Variants in PFKFB3 observed in about 807,000 individuals in gnomAD.
PFKFB3 encodes the protein 6-phosphofructo-2-kinase/fructose-2,6-biphosphatase 3.
Under a neutral mutation model 68.0 loss-of-function variants are expected in PFKFB3, and 33 were observed. The observed-to-expected ratio is 0.49, with a 90% confidence interval of 0.37 to 0.65. The LOEUF (loss-of-function observed/expected upper bound fraction) is 0.65, where lower values mean the gene tolerates loss of function less well. Among genes scored for constraint, PFKFB3 ranks in the 30% least tolerant of loss-of-function variants. The pLI is 0.00. For synonymous variants in PFKFB3, 315 were observed against 288.2 expected (o/e 1.09, Z -0.94); for missense variants, 586 against 712.2 (o/e 0.82, Z 2.02).
At chr10:6,262,880 G>A in the PFKFB3 span, among the ~76,000 whole-genome samples, 43 of 152,308 alleles carry the variant, frequency 2.8e-4, no homozygotes, top group African/African-American at 9.6e-4. Context: ...GCTGTCCAGC[G>A]GTGCTAATAG....
intron 1 of PFKFB3, among the ~76,000 whole-genome samples, chr10:6,155,222 A>ATTT (rs1234451134): frequency 2.8e-5 from 1 of 35,120 alleles, no homozygotes; most frequent in Non-Finnish European, 1.8e-4. Flanking sequence ...TTTTTTTTTG[A>ATTT]GACGGAGTCC....
the PFKFB3 span, among the ~76,000 whole-genome samples, chr10:6,295,841 A>T: frequency 4.6e-5 from 7 of 152,170 alleles, no homozygotes; most frequent in Non-Finnish European, 1.0e-4. Context: ...TCTGATCTTC[A>T]CAATGGAGAC....
chr10:6,195,744 T>G (rs1421058070), intron 1 of PFKFB3, among the ~76,000 whole-genome samples: 1 of 152,192 alleles, frequency 6.6e-6, no homozygotes, highest in Non-Finnish European at 1.5e-5. Context: ...GGGGCCATTG[T>G]GTGTGGCGAG....
chr10:6,185,062 C>A (rs149107754), intron 1 of PFKFB3, among the ~76,000 whole-genome samples: 1 of 152,314 alleles, frequency 6.6e-6, no homozygotes, highest in African/African-American at 2.4e-5. Context: ...GACACAAAAA[C>A]CCTGATTTAA....
chr10:6,232,877 C>CT lies in PFKFB3; in HGVS notation c.1516-14dup. The CT allele has an allele frequency of 6.2e-7, 1 of 1,609,122 alleles. No individual in the cohort carries two copies. The highest frequency in any genetic ancestry group is 8.5e-7 in the Non-Finnish European group (1 of 1,176,326). ...AAATCCTAACTCCCTCCCCACCTCT[C>CT]TTTTCTCCTGAAAACAGAACATGAA... is the stretch of plus-strand genomic sequence containing the variant. On this transcript the variant is annotated splice_polypyrimidine_tract_variant and intron_variant, in intron 14 of 14. Transcript: ENST00000379775.
chr10:6,263,931 C>T, the PFKFB3 span, among the ~76,000 whole-genome samples: 2 of 152,210 alleles, frequency 1.3e-5, no homozygotes, highest in African/African-American at 2.4e-5. Flanking sequence ...AGTGATTCTC[C>T]AGCATTGGCC....
At chr10:6,151,309 C>G (rs571532331) in intron 1 of PFKFB3, among the ~76,000 whole-genome samples, 1 of 151,918 alleles carries the variant, frequency 6.6e-6, no homozygotes, top group Non-Finnish European at 1.5e-5. Flanking sequence ...CTGGCACTTC[C>G]GCAAGCAGCC....
At chr10:6,224,330 A>G (rs1588523643) in intron 13 of PFKFB3, 117 bp downstream of exon 13, 7 of 932,148 alleles carry the variant, frequency 7.5e-6, no homozygotes, top group Non-Finnish European at 1.2e-5. Flanking sequence ...GTCTGGGGCC[A>G]TGGGCCTGCT....
Position 6,213,679 on chromosome 10 carries a change from G to A in PFKFB3, c.133G>A (p.Ala45Thr), listed in dbSNP as rs759203021. The A allele has an allele frequency of 9.3e-6, 15 of 1,613,230 alleles. No individual in the cohort carries two copies. The highest frequency in any genetic ancestry group is 1.3e-5 in the African/African-American group (1 of 74,894). The change falls in exon 2 of 15, where the codon GCC becomes ACC. Residue 45 changes from alanine (A) to threonine (T), a missense_variant. Ala to Thr is a moderately conservative substitution (Grantham distance 58, BLOSUM62 0). Coordinates refer to ENST00000379775, the MANE Select transcript of PFKFB3 (RefSeq NM_004566.4). ...PTVIVMVGLP[A>T]RGKTYISKKL... ...CGTCATCGTCATGGTGGGCCTCCCC[G>A]CCCGGGGCAAGACCTACATCTCCAA...
At chr10:6,178,705 C>G (rs1842609545) in intron 1 of PFKFB3, among the ~76,000 whole-genome samples, 1 of 152,326 alleles carries the variant, frequency 6.6e-6, no homozygotes, top group Non-Finnish European at 1.5e-5. Context: ...TCGAGTTGAT[C>G]TGAAAGGATT....
chr10:6,284,209 G>A, the PFKFB3 span, among the ~76,000 whole-genome samples: 1 of 152,180 alleles, frequency 6.6e-6, no homozygotes, highest in African/African-American at 2.4e-5. Flanking sequence ...GTTGATTGAT[G>A]GTGCTGTTCA....
the PFKFB3 span, among the ~76,000 whole-genome samples, chr10:6,283,757 C>A: frequency 6.6e-6 from 1 of 152,138 alleles, no homozygotes; most frequent in Non-Finnish European, 1.5e-5. Flanking sequence ...GTGAACCAAT[C>A]GTGCAACCAC....
intron 1 of PFKFB3, among the ~76,000 whole-genome samples, chr10:6,204,386 C>G (rs1264723987): frequency 1.3e-5 from 2 of 152,224 alleles, no homozygotes; most frequent in East Asian, 1.9e-4. Context: ...GGCGCCTGAG[C>G]GCAGGCGGCT....
chr10:6,267,951 T>A, the PFKFB3 span, among the ~76,000 whole-genome samples: 1 of 23,978 alleles, frequency 4.2e-5, no homozygotes, highest in Non-Finnish European at 1.1e-4. Context: ...CGAGACCCTA[T>A]CTCAAAAAAA....
At chr10:6,246,598 T>G (rs1157630250) in intron 14 of PFKFB3, among the ~76,000 whole-genome samples, 2 of 152,062 alleles carry the variant, frequency 1.3e-5, no homozygotes, top group African/African-American at 4.8e-5. Flanking sequence ...CGCGTCGGCC[T>G]CCCAAAGTGC....
At chr10:6,302,362 GTTTTTTTTTTTTTTT>G in the PFKFB3 span, among the ~76,000 whole-genome samples, 32 of 78,514 alleles carry the variant, frequency 4.1e-4, 1 homozygote, top group African/African-American at 1.9e-3. Flanking sequence ...TGCCTGGCCA[GTTTTTTTTTTTTTTT>G]TTTTTTTTTT....
intron 1 of PFKFB3, among the ~76,000 whole-genome samples, chr10:6,211,374 G>A (rs1844222917): frequency 6.6e-6 from 1 of 152,178 alleles, no homozygotes; most frequent in Non-Finnish European, 1.5e-5. Flanking sequence ...CTGAGAGTAT[G>A]TGTGTGCGTC....
intron 1 of PFKFB3, among the ~76,000 whole-genome samples, chr10:6,206,576 A>T (rs12785005): frequency 7.5e-6 from 1 of 134,002 alleles, no homozygotes; most frequent in Admixed American, 7.1e-5. Flanking sequence ...CTGGCCGGGC[A>T]GGGGCTGACC....
the PFKFB3 span, among the ~76,000 whole-genome samples, chr10:6,276,148 A>T: frequency 1.3e-5 from 2 of 152,184 alleles, no homozygotes; most frequent in African/African-American, 4.8e-5. Flanking sequence ...CTTGGAGTGG[A>T]TTATCAGCCA....
Sources: allele counts gnomAD v4.1 joint callset (sites outside exome capture counted in the v4.1 genomes callset), GRCh38; gene constraint gnomAD v4.1.1; transcripts MANE v1.5; gene names NCBI Gene and HGNC (gene_info 2026-07-23, HGNC 2026-07-21).